PPA2: variants seen among roughly 807,000 people sequenced by gnomAD.
PPA2 encodes the protein inorganic pyrophosphatase 2.
Under a neutral mutation model 49.5 loss-of-function variants are expected in PPA2, and 48 were observed. The observed-to-expected ratio is 0.97, with a 90% confidence interval of 0.77 to 1.23. PPA2 has a LOEUF of 1.23. PPA2 is among the 50% of genes most tolerant of loss of function. The probability of loss-of-function intolerance (pLI) is 0.00; values close to 1 mark genes in which losing one functional copy is unlikely to be tolerated. For synonymous variants in PPA2, 131 were observed against 139.9 expected (o/e 0.94, Z 0.45); for missense variants, 429 against 410.1 (o/e 1.05, Z -0.40).
chr4:105,453,880 C>T (rs746626582), intron 2 of PPA2: 91 of 355,788 alleles, frequency 2.6e-4, no homozygotes, highest in Non-Finnish European at 3.9e-4. Flanking sequence ...ACCTCTTTCA[C>T]GTATATTTTC....
chr4:105,421,886 A>T (rs952145720), intron 7 of PPA2, among the ~76,000 whole-genome samples: 1 of 152,034 alleles, frequency 6.6e-6, no homozygotes, highest in Non-Finnish European at 1.5e-5. Context: ...CTTCTAAAAT[A>T]CAAAAAATTA....
chr4:105,421,653 C>T (rs1723258939), intron 7 of PPA2, among the ~76,000 whole-genome samples: 1 of 152,046 alleles, frequency 6.6e-6, no homozygotes, highest in African/African-American at 2.4e-5. Context: ...TCCTCGGTCT[C>T]TGTAAAGTAA....
chr4:105,381,275 G>A (rs1326235184), intron 10 of PPA2, among the ~76,000 whole-genome samples: 1 of 151,984 alleles, frequency 6.6e-6, no homozygotes, highest in African/African-American at 2.4e-5. Flanking sequence ...TATTTTAGAT[G>A]CCAGTCCTTT....
At chr4:105,393,107 T>C (rs1327012668) in intron 9 of PPA2, among the ~76,000 whole-genome samples, 1 of 152,090 alleles carries the variant, frequency 6.6e-6, no homozygotes, top group Admixed American at 6.5e-5. Flanking sequence ...TAACATGAAA[T>C]AGGAGACAAG....
chr4:105,417,686 C>A lies in PPA2; in HGVS notation c.655+6510G>T, dbSNP rs140915755. Among the ~76,000 whole-genome samples, 663 of 152,216 alleles carry A rather than the reference C, an allele frequency of 4.4e-3. 2 individuals are homozygous for A. The highest frequency in any genetic ancestry group is 0.015 in the African/African-American group (626 of 41,550). On this transcript the variant is annotated intron_variant, in intron 7 of 11. Coordinates refer to ENST00000341695, the MANE Select transcript of PPA2 (RefSeq NM_176869.3). The stretch of plus-strand genomic sequence containing the variant: ...GTTCCTCAACTGCCTCCTCCTACAA[C>A]CCATCCCTACATACCTACACCCATT...
rs73836262 is a variant in PPA2 at position 105,468,134 on chromosome 4, T to G, written c.157+5760A>C. On this transcript the variant is annotated intron_variant, in intron 1 of 11. Coordinates refer to ENST00000341695, the MANE Select transcript of PPA2 (RefSeq NM_176869.3). ...AACATAACCACAGTCATACTTTTAC[T>G]GTCCATGGCTGTATGTTACAATGGC... Among the ~76,000 whole-genome samples, 747 of 152,334 alleles carry G rather than the reference T, an allele frequency of 4.9e-3. 6 individuals carry two copies. The highest frequency in any genetic ancestry group is 0.016 in the African/African-American group (651 of 41,576).
intron 4 of PPA2, among the ~76,000 whole-genome samples, chr4:105,446,927 G>C (rs2110301683): frequency 1.3e-5 from 2 of 152,142 alleles, no homozygotes; most frequent in South Asian, 4.2e-4. Context: ...CTAAGATTTG[G>C]AAAAAGAAAA....
chr4:105,432,614 G>T (rs6813117), intron 6 of PPA2, among the ~76,000 whole-genome samples: 2,399 of 152,330 alleles, frequency 0.016, 57 homozygotes, highest in African/African-American at 0.055. Flanking sequence ...GATAGGGCAA[G>T]CTTGTCCAAC....
intron 9 of PPA2, among the ~76,000 whole-genome samples, chr4:105,387,400 A>C (rs2713827): frequency 0.61 from 92,887 of 152,000 alleles, 28,499 homozygotes; most frequent in East Asian, 0.68. Context: ...ATTAGCAGAT[A>C]CCTAAAAGAT....
At chr4:105,404,944 G>T (rs2636747) in intron 7 of PPA2, 1 of 152,250 alleles carries the variant, frequency 6.6e-6, no homozygotes, top group African/African-American at 2.4e-5. Flanking sequence ...TTAGCTGGGC[G>T]TGGTGGCGGG....
intron 10 of PPA2, among the ~76,000 whole-genome samples, chr4:105,383,352 T>C (rs1733566525): frequency 1.3e-5 from 2 of 152,244 alleles, no homozygotes; most frequent in African/African-American, 2.4e-5. Flanking sequence ...GTTTCTAAGA[T>C]GGTTCTTAAT....
chr4:105,391,897 GAAAT>G (rs1733937877), intron 9 of PPA2, among the ~76,000 whole-genome samples: 1 of 143,608 alleles, frequency 7.0e-6, no homozygotes, highest in South Asian at 2.1e-4. Flanking sequence ...TATGAGTAAA[GAAAT>G]AAAGCATTAC....
At chr4:105,429,100 T>A (rs1360199288) in intron 6 of PPA2, among the ~76,000 whole-genome samples, 3 of 152,138 alleles carry the variant, frequency 2.0e-5, no homozygotes, top group African/African-American at 7.2e-5. Flanking sequence ...ACAAAGGGGA[T>A]CATTTTTCTT....
chr4:105,373,965 T>C (rs1382465252), intron 10 of PPA2, among the ~76,000 whole-genome samples: 3 of 152,174 alleles, frequency 2.0e-5, no homozygotes, highest in African/African-American at 7.2e-5. Context: ...AATGATTTCC[T>C]GGTGCTTAAA....
At chr4:105,456,520 A>T in intron 2 of PPA2, 161 bp downstream of exon 2, 1 of 576,254 alleles carries the variant, frequency 1.7e-6, no homozygotes, top group Admixed American at 3.3e-5. Context: ...TTCTCATACA[A>T]CTTTTAATTC....
chr4:105,429,438 T>A (rs531611554), intron 6 of PPA2, among the ~76,000 whole-genome samples: 1 of 152,228 alleles, frequency 6.6e-6, no homozygotes, highest in South Asian at 2.1e-4. Flanking sequence ...AAGTTTCATA[T>A]AATGGTCAAT....
At chr4:105,420,762 G>T (rs1277933109) in intron 7 of PPA2, among the ~76,000 whole-genome samples, 5 of 152,154 alleles carry the variant, frequency 3.3e-5, no homozygotes, top group Non-Finnish European at 7.4e-5. Flanking sequence ...GGGAATGGTA[G>T]AATTTAAGTA....
At chr4:105,465,100 C>A (rs1227849527) in intron 1 of PPA2, among the ~76,000 whole-genome samples, 1 of 152,092 alleles carries the variant, frequency 6.6e-6, no homozygotes, top group Non-Finnish European at 1.5e-5. Context: ...ATCCCTGAAC[C>A]ACCATCCCAC....
At chr4:105,395,947 T>C (rs1194903722) in intron 9 of PPA2, among the ~76,000 whole-genome samples, 1 of 152,184 alleles carries the variant, frequency 6.6e-6, no homozygotes, top group Non-Finnish European at 1.5e-5. Context: ...AGTTATTAGA[T>C]TTTAAAGAAA....
Sources: allele counts gnomAD v4.1 joint callset (sites outside exome capture counted in the v4.1 genomes callset), GRCh38; gene constraint gnomAD v4.1.1; transcripts MANE v1.5; gene names NCBI Gene and HGNC (gene_info 2026-07-23, HGNC 2026-07-21).